ADRA1D: variants seen among roughly 807,000 people sequenced by gnomAD.
The protein encoded by ADRA1D is alpha-1D adrenergic receptor.
In ADRA1D, 22 loss-of-function variants were observed where a neutral mutation model predicts 18.6. That is an observed-to-expected ratio of 1.19 (90% CI 0.85 to 1.69). The LOEUF (loss-of-function observed/expected upper bound fraction) is 1.69. Among genes scored for constraint, ADRA1D ranks in the 40% most tolerant of loss-of-function variants. The probability of loss-of-function intolerance (pLI) is 0.00; values close to 1 mark genes in which losing one functional copy is unlikely to be tolerated. For missense variants in ADRA1D, 840 were observed against 840.7 expected, an observed-to-expected ratio of 1.00 and a Z score of 0.01; for synonymous variants, 376 against 388.2, an observed-to-expected ratio of 0.97 and a Z score of 0.37.
chr20:4,247,545 C>A (rs1981363012), intron 1 of ADRA1D, among the ~76,000 whole-genome samples: 1 of 152,212 alleles, frequency 6.6e-6, no homozygotes, highest in Non-Finnish European at 1.5e-5. Flanking sequence ...TGGGCAGATG[C>A]CCGCCCAGAT....
At chr20:4,246,207 C>T (rs372918394) in intron 1 of ADRA1D, among the ~76,000 whole-genome samples, 4 of 152,168 alleles carry the variant, frequency 2.6e-5, no homozygotes, top group African/African-American at 7.2e-5. Flanking sequence ...AGTGATGACC[C>T]AGGTGACACA....
chr20:4,240,405 G>T lies in ADRA1D; in HGVS notation c.1111+7442C>A, dbSNP rs959055338. 7.2e-5 allele frequency among the ~76,000 whole-genome samples: 6 copies of T among 82,770 alleles called. No individual in the cohort carries two copies. In the South Asian group the frequency reaches 2.7e-3, roughly 38 times the overall value. 54.3% of individuals were successfully genotyped at this position (82,770 alleles called of 152,430 possible). A position where few individuals can be genotyped will look rare whatever the true frequency, so the allele number is the denominator to read the frequency against. ...ATTTTATGTGTTATAATGGATTGTG[G>T]GCTTTTTTTTTTTTTTTTTACAGTT... On this transcript the variant is annotated intron_variant, in intron 1 of 1. Coordinates refer to ENST00000379453, the MANE Select transcript of ADRA1D (RefSeq NM_000678.4).
chr20:4,222,002 G>GGAAGGCGCGCTT lies in ADRA1D; in HGVS notation c.1228_1239dup (p.Lys410_Phe413dup). On this transcript the variant is annotated inframe_insertion, in exon 2 of 2. Coordinates refer to ENST00000379453, the MANE Select transcript of ADRA1D (RefSeq NM_000678.4). This position sits in a 1 kb window ranked among gnomAD's most constrained non-coding sequence, Gnocchi z 4.3. ...CGGCACTGGCAGCGCAGGAGACGGAGGAAGGCGCGCTTGAACTCGCGGCTG... is the reference window on the plus strand; with the variant it reads ...CGGCACTGGCAGCGCAGGAGACGGAGGAAGGCGCGCTTGAAGGCGCGCTTGAACTCGCGGCTG... 6.3e-6 allele frequency: 10 copies of GGAAGGCGCGCTT among 1,592,066 alleles called. No individual in the cohort carries two copies. The highest frequency in any genetic ancestry group is 7.7e-6 in the Non-Finnish European group (9 of 1,169,326).
chr20:4,225,406 G>A (rs1980771237), intron 1 of ADRA1D, among the ~76,000 whole-genome samples: 1 of 146,388 alleles, frequency 6.8e-6, no homozygotes, highest in East Asian at 2.0e-4. Flanking sequence ...AGTATTGGTA[G>A]CTATTACTTT....
chr20:4,230,883 C>G (rs73610168), intron 1 of ADRA1D, among the ~76,000 whole-genome samples: 7,865 of 152,268 alleles, frequency 0.052, 428 homozygotes, highest in East Asian at 0.3. Context: ...GGTGTCTCCC[C>G]ACCCAGCCTG....
chr20:4,247,907 C>A lies in ADRA1D; in HGVS notation c.1051G>T (p.Ala351Ser), dbSNP rs1268992350. 1.9e-6 allele frequency: 3 copies of A among 1,599,484 alleles called. No homozygotes were observed. The highest frequency in any genetic ancestry group is 4.5e-5 in the East Asian group (2 of 44,338). ...AGCACGAAGACACCCACGACGATGG[C>A]CAGAGTCTTGGCCGCTTTCTTCTCA... ...SREKKAAKTLAIVVGVFVLCW... is the reference protein window; with the variant it reads ...SREKKAAKTLSIVVGVFVLCW... Residue 351 changes from alanine (A) to serine (S), a missense_variant, in exon 1 of 2, where the codon GCC (alanine) becomes TCC (serine). Ala to Ser is a moderately conservative substitution (Grantham distance 99, BLOSUM62 1). Transcript: ENST00000379453.
chr20:4,237,408 T>C (rs936674763), intron 1 of ADRA1D, among the ~76,000 whole-genome samples: 3 of 149,624 alleles, frequency 2.0e-5, no homozygotes, highest in Non-Finnish European at 3.0e-5. Context: ...TTAAAAACAA[T>C]TAAAACAAAA....
chr20:4,231,038 T>TTTCTTTCTTTCTTTCTTTC (rs1980945003), intron 1 of ADRA1D, among the ~76,000 whole-genome samples: 1 of 108,526 alleles, frequency 9.2e-6, no homozygotes, highest in South Asian at 3.4e-4. Flanking sequence ...CTTTCTTTCT[T>TTTCTTTCTTTCTTTCTTTC]TTTCTTTCTT....
chr20:4,224,979 A>G (rs1280890899), intron 1 of ADRA1D, among the ~76,000 whole-genome samples: 1 of 142,890 alleles, frequency 7.0e-6, no homozygotes, highest in Non-Finnish European at 1.5e-5. Flanking sequence ...TAAGCAGGTT[A>G]TGTGGCCATC....
At chr20:4,238,285 C>T (rs1465546751) in intron 1 of ADRA1D, among the ~76,000 whole-genome samples, 1 of 151,730 alleles carries the variant, frequency 6.6e-6, no homozygotes, top group Non-Finnish European at 1.5e-5. Flanking sequence ...TAAAATAAAG[C>T]AGCTACTAAT....
intron 1 of ADRA1D, among the ~76,000 whole-genome samples, chr20:4,242,645 CT>C (rs749176851): frequency 3.2e-4 from 49 of 152,262 alleles, no homozygotes; most frequent in Non-Finnish European, 5.0e-4. Context: ...CTGGGCTGTC[CT>C]GGGACTTCTG....
chr20:4,237,017 T>A (rs62212659), intron 1 of ADRA1D, among the ~76,000 whole-genome samples: 2,211 of 152,106 alleles, frequency 0.015, 27 homozygotes, highest in Non-Finnish European at 0.025. Context: ...GAACAGGAAA[T>A]GAATACAGGC....
In ADRA1D at chr20:4,248,980, C is replaced by T. The variant is rs1981438017; in HGVS notation, c.-23G>A. The T allele has an allele frequency of 3.0e-6, 4 of 1,325,790 alleles. No individual in the cohort carries two copies. Among genetic ancestry groups the T allele is most frequent in the Non-Finnish European group, 3.9e-6 (4 of 1,027,248 alleles). 82.1% of individuals were successfully genotyped at this position (1,325,790 alleles called of 1,614,324 possible). ...CATCTCAACGCGCGGCCGTCGGTGG[C>T]CGGGCCGGGGCACAGAACGAGCGGC... On this transcript the variant is annotated 5_prime_UTR_variant, in exon 1 of 2. Transcript: ENST00000379453.
chr20:4,244,696 G>C (rs6052454), intron 1 of ADRA1D, among the ~76,000 whole-genome samples: 2 of 152,202 alleles, frequency 1.3e-5, no homozygotes, highest in African/African-American at 4.8e-5. Context: ...GGGGGTGTCA[G>C]GACCTCCTGG....
At chr20:4,246,258 A>T (rs911234654) in intron 1 of ADRA1D, among the ~76,000 whole-genome samples, 1 of 152,184 alleles carries the variant, frequency 6.6e-6, no homozygotes, top group African/African-American at 2.4e-5. Context: ...CCCAGAAACA[A>T]AACAAGCAGC....
chr20:4,241,738 G>C (rs1309903801), intron 1 of ADRA1D, among the ~76,000 whole-genome samples: 1 of 152,110 alleles, frequency 6.6e-6, no homozygotes, highest in Admixed American at 6.5e-5. Flanking sequence ...GCAGCCTGTG[G>C]AGATGAGTCC....
In ADRA1D at chr20:4,221,339, A is replaced by T; in HGVS notation, c.*184T>A. ...CCTGAGTCCAGCAGGGGGCCCCACT[A>T]CTTTTCACCTTTCAAGGGCTCCAGC... is the stretch of plus-strand genomic sequence containing the variant. On this transcript the variant is annotated 3_prime_UTR_variant, in exon 2 of 2. Transcript: ENST00000379453. The T allele has an allele frequency of 1.6e-6, 1 of 641,062 alleles. No homozygotes were observed. The allele number at this position is 641,062 out of a possible 1,614,324, so 39.7% of individuals were successfully genotyped here. A position where few individuals can be genotyped will look rare whatever the true frequency, so the allele number is the denominator to read the frequency against.
chr20:4,247,190 A>G (rs576547331), intron 1 of ADRA1D, among the ~76,000 whole-genome samples: 1 of 152,198 alleles, frequency 6.6e-6, no homozygotes, highest in South Asian at 2.1e-4. Context: ...AGGACTCAGT[A>G]AGCTCAAGAA....
intron 1 of ADRA1D, among the ~76,000 whole-genome samples, chr20:4,226,738 A>C (rs1025905884): frequency 7.9e-5 from 12 of 152,230 alleles, no homozygotes; most frequent in Non-Finnish European, 1.6e-4. Flanking sequence ...GTGGGGAACC[A>C]GTGGCATCTG....
Sources: gnomAD v4.1 joint callset for allele counts (sites outside exome capture counted in the v4.1 genomes callset) on GRCh38, gnomAD v4.1.1 for gene constraint, Gnocchi (gnomAD v3.1) non-coding constraint, MANE v1.5 for transcripts, NCBI Gene and HGNC (gene_info 2026-07-23, HGNC 2026-07-21) for gene names.